The following ARHGAP31 variants were observed in gnomAD, a reference collection of about 807,000 sequenced individuals.
The protein encoded by ARHGAP31 is rho GTPase-activating protein 31.
Under a neutral mutation model 113.9 loss-of-function variants are expected in ARHGAP31, and 34 were observed. That is an observed-to-expected ratio of 0.30 (90% CI 0.23 to 0.40). The LOEUF (loss-of-function observed/expected upper bound fraction) is 0.40. Among genes scored for constraint, ARHGAP31 ranks in the 10% least tolerant of loss-of-function variants. ARHGAP31 has a pLI of 1.00. For synonymous variants in ARHGAP31, 650 were observed against 684.8 expected (o/e 0.95, Z 0.79); for missense variants, 1,548 against 1,767.1 (o/e 0.88, Z 2.22).
Position 119,414,190 on chromosome 3 carries a change from C to T in ARHGAP31, c.2261C>T (p.Pro754Leu). 6.2e-7 allele frequency: 1 copy of T among 1,614,176 alleles called. No homozygotes were observed. ...CACCCAGACCTCGCCAGCCTGGCTC[C>T]TCTGGAAATAGTTCCTTTTGAGAAG... ...GLHPDLASLA[P>L]LEIVPFEKAS... Residue 754 changes from proline to leucine, a missense_variant, in exon 12 of 12, where the codon CCT (proline) becomes CTT (leucine). Physicochemically the swap from Pro to Leu is moderately conservative, Grantham distance 98 (BLOSUM62 -3). Coordinates refer to ENST00000264245, the MANE Select transcript of ARHGAP31 (RefSeq NM_020754.4).
intron 1 of ARHGAP31, among the ~76,000 whole-genome samples, chr3:119,297,188 A>G (rs111929050): frequency 6.6e-6 from 1 of 152,232 alleles, no homozygotes; most frequent in African/African-American, 2.4e-5. Context: ...AACTAGTTGG[A>G]TGGTTTTTTT....
chr3:119,392,039 T>C (rs1391564579), intron 7 of ARHGAP31, among the ~76,000 whole-genome samples: 2 of 152,120 alleles, frequency 1.3e-5, no homozygotes, highest in Non-Finnish European at 2.9e-5. Flanking sequence ...GGGTGCACCA[T>C]ACCCAAAGGT....
At chr3:119,356,886 A>G (rs1175253037) in intron 1 of ARHGAP31, among the ~76,000 whole-genome samples, 9 of 152,232 alleles carry the variant, frequency 5.9e-5, no homozygotes, top group Admixed American at 5.9e-4. Context: ...TCACATGTAC[A>G]AGAATATCTG....
chr3:119,363,073 T>C (rs1400230074), intron 1 of ARHGAP31, among the ~76,000 whole-genome samples: 2 of 152,158 alleles, frequency 1.3e-5, no homozygotes, highest in African/African-American at 2.4e-5. Context: ...CCCTTGTATA[T>C]TTTGCCCAAG....
chr3:119,302,814 A>G (rs1333028658), intron 1 of ARHGAP31, among the ~76,000 whole-genome samples: 1 of 152,222 alleles, frequency 6.6e-6, no homozygotes, highest in Non-Finnish European at 1.5e-5. Context: ...GCCACAACCT[A>G]TGAAAAGTGA....
chr3:119,375,229 G>A (rs1240424492), intron 3 of ARHGAP31, among the ~76,000 whole-genome samples: 51 of 152,188 alleles, frequency 3.4e-4, no homozygotes, highest in Admixed American at 3.3e-3. Context: ...CCAGAAGTCT[G>A]AAATCGGCTT....
chr3:119,384,727 G>T (rs2080434139), intron 6 of ARHGAP31, among the ~76,000 whole-genome samples: 3 of 152,140 alleles, frequency 2.0e-5, no homozygotes. Flanking sequence ...CAACAGTGTT[G>T]CATTGGGGAT....
Position 119,401,967 on chromosome 3 carries a change from CGGGGCTGA to C in ARHGAP31, c.1219_1226del (p.Ala407TrpfsTer3). The C allele has an allele frequency of 1.2e-6, 2 of 1,614,102 alleles. No homozygotes were observed. Among genetic ancestry groups the C allele is most frequent in the South Asian group, 2.2e-5 (2 of 91,060 alleles). On this transcript the variant is annotated frameshift_variant, in exon 10 of 12. Transcript: ENST00000264245. LOFTEE classifies it high-confidence loss of function. ...AATGGGGCCAGGAGGGGATGCCTCC[CGGGGCTGA>C]GGGTGGCTTTGATGTGAGCAGTGAT...
rs575401044 is a variant in ARHGAP31, at chr3:119,380,134, T to C, written c.349-770T>C. Among the ~76,000 whole-genome samples the C allele has an allele frequency of 2.6e-5, 4 of 152,252 alleles. No homozygotes were observed. In the South Asian group the frequency reaches 6.2e-4, roughly 24 times the overall value. On this transcript the variant is annotated intron_variant, in intron 3 of 11. Transcript: ENST00000264245. ...GGGAACAAAATACCCATACAGCAAA[T>C]AACTGGAGAGCAAGTCTGGGCAAGG...
At position 119,306,388 on chromosome 3, in the gene ARHGAP31, T is replaced by C. The variant is rs1436305582; in HGVS notation, c.100+11384T>C. 2.0e-5 allele frequency among the ~76,000 whole-genome samples: 3 copies of C among 152,118 alleles called. No individual in the cohort carries two copies. The East Asian group carries it at 5.8e-4, about 29-fold the overall frequency. ...GGCCAACATGGTGAAACCCCATCTC[T>C]ACTAAAAAAATTACAAAAATTAGCT... On this transcript the variant is annotated intron_variant, in intron 1 of 11. Coordinates refer to ENST00000264245, the MANE Select transcript of ARHGAP31 (RefSeq NM_020754.4).
At chr3:119,337,466 T>C (rs967032361) in intron 1 of ARHGAP31, among the ~76,000 whole-genome samples, 1 of 152,150 alleles carries the variant, frequency 6.6e-6, no homozygotes, top group African/African-American at 2.4e-5. Context: ...CAACATTTAC[T>C]GCAAAAAGCA....
In ARHGAP31 at chr3:119,304,991, A is replaced by C. The variant is rs950896415; in HGVS notation, c.100+9987A>C. ...GACCCTCTGTTTCTTGATTAAATCTATCTGTATGGCATAAATGTCCAACTG... is the reference window on the plus strand; with the variant it reads ...GACCCTCTGTTTCTTGATTAAATCTCTCTGTATGGCATAAATGTCCAACTG... On this transcript the variant is annotated intron_variant, in intron 1 of 11. Transcript: ENST00000264245. Among the ~76,000 whole-genome samples, 4 of 152,352 alleles carry C rather than the reference A, an allele frequency of 2.6e-5. No individual in the cohort carries two copies. The East Asian group carries it at 7.7e-4, about 29-fold the overall frequency.
At chr3:119,389,168 C>T (rs947655521) in intron 6 of ARHGAP31, among the ~76,000 whole-genome samples, 15 of 151,588 alleles carry the variant, frequency 9.9e-5, no homozygotes, top group African/African-American at 3.6e-4. Flanking sequence ...TTAAAAAAAA[C>T]AAAAAAACAA....
chr3:119,305,510 C>T (rs2107594915), intron 1 of ARHGAP31, among the ~76,000 whole-genome samples: 1 of 152,328 alleles, frequency 6.6e-6, no homozygotes, highest in Non-Finnish European at 1.5e-5. Flanking sequence ...CTGCCAGCCC[C>T]TCCCCTACAA....
At chr3:119,398,951 C>A (rs2080575609) in intron 8 of ARHGAP31, among the ~76,000 whole-genome samples, 1 of 152,114 alleles carries the variant, frequency 6.6e-6, no homozygotes, top group Non-Finnish European at 1.5e-5. Context: ...GACAAAATTG[C>A]AATTTACCTT....
chr3:119,363,889 C>A (rs1329304629), intron 1 of ARHGAP31, among the ~76,000 whole-genome samples: 2 of 152,118 alleles, frequency 1.3e-5, no homozygotes, highest in Non-Finnish European at 2.9e-5. Context: ...CCACTGAAGA[C>A]CTCAGAGCCT....
In ARHGAP31 at chr3:119,402,255, C is replaced by T. The variant is rs2080617828; in HGVS notation, c.1503C>T (p.Val501=). 6.2e-7 allele frequency: 1 copy of T among 1,614,168 alleles called. No homozygotes were observed. Among genetic ancestry groups the T allele is most frequent in the Admixed American group, 1.7e-5 (1 of 60,016 alleles). ...CTGTGCCGCTCCGCGTGTCCGCAGT[C>T]ATCAGCACCAACAGCACGCCGTGCA... ...AVSVPLRVSA[V]ISTNSTPCRT... The change falls in exon 10 of 12, where the codon GTC becomes GTT. Residue 501 remains valine (V), a synonymous_variant. Coordinates refer to ENST00000264245, the MANE Select transcript of ARHGAP31 (RefSeq NM_020754.4).
Position 119,420,288 on chromosome 3 carries a change from AT to A in ARHGAP31, c.*4028del, listed in dbSNP as rs2080810180. 1 of 152,204 alleles carries A rather than the reference AT, an allele frequency of 6.6e-6. No individual in the cohort carries two copies. The highest frequency in any genetic ancestry group is 1.5e-5 in the Non-Finnish European group (1 of 68,034). 9.4% of individuals were successfully genotyped at this position (152,204 alleles called of 1,614,324 possible). A position where few individuals can be genotyped will look rare whatever the true frequency, so the allele number is the denominator to read the frequency against. ...GGGGTTAAGTGTTGCTAAGACTATG[AT>A]TTTAGACATGTCTGGCAGGAAGGTC... On this transcript the variant is annotated 3_prime_UTR_variant, in exon 12 of 12. Coordinates refer to ENST00000264245, the MANE Select transcript of ARHGAP31 (RefSeq NM_020754.4).
At chr3:119,350,269 G>C (rs1195457764) in intron 1 of ARHGAP31, among the ~76,000 whole-genome samples, 1 of 152,148 alleles carries the variant, frequency 6.6e-6, no homozygotes, top group Non-Finnish European at 1.5e-5. Context: ...CAAGCAAAGC[G>C]GTTCTGGAAA....
Sources: allele counts gnomAD v4.1 joint callset (sites outside exome capture counted in the v4.1 genomes callset), GRCh38; gene constraint gnomAD v4.1.1; transcripts MANE v1.5; gene names NCBI Gene and HGNC (gene_info 2026-07-23, HGNC 2026-07-21).